The following CA10 variants were observed in gnomAD, a reference collection of about 807,000 sequenced individuals.
CA10 encodes the protein carbonic anhydrase 10 (inactive).
In CA10, 14 loss-of-function variants were observed where a neutral mutation model predicts 44.2. That is an observed-to-expected ratio of 0.32 (90% CI 0.21 to 0.50). The LOEUF is 0.50. CA10 is among the 20% of genes least tolerant of loss of function. The pLI, the probability that CA10 is intolerant of heterozygous loss-of-function variation, is 0.99. For missense variants in CA10, 350 were observed against 409.7 expected (o/e 0.85, Z 1.26); for synonymous variants, 159 against 141.6 (o/e 1.12, Z -0.87).
chr17:52,147,699 AC>A (rs1989618404), intron 1 of CA10, among the ~76,000 whole-genome samples: 1 of 152,134 alleles, frequency 6.6e-6, no homozygotes, highest in African/African-American at 2.4e-5. Context: ...AGTCACTGTA[AC>A]TTAAGAGCCA....
chr17:52,114,229 C>A (rs902860907), intron 1 of CA10, among the ~76,000 whole-genome samples: 3 of 152,198 alleles, frequency 2.0e-5, no homozygotes, highest in Non-Finnish European at 2.9e-5. Context: ...AGATATGCCA[C>A]CAAATTCAAA....
chr17:51,754,907 C>G (rs962126449), intron 3 of CA10, among the ~76,000 whole-genome samples: 1 of 151,742 alleles, frequency 6.6e-6, no homozygotes, highest in Non-Finnish European at 1.5e-5. Flanking sequence ...TACAAATATG[C>G]GTGTGTGTAT....
At chr17:52,078,583 A>G (rs1567725718) in intron 1 of CA10, among the ~76,000 whole-genome samples, 1 of 152,338 alleles carries the variant, frequency 6.6e-6, no homozygotes, top group East Asian at 1.9e-4. Context: ...GAGGTAATTC[A>G]AGGAGGAAGG....
chr17:51,671,334 T>C (rs926128125), intron 4 of CA10, among the ~76,000 whole-genome samples: 3 of 152,154 alleles, frequency 2.0e-5, no homozygotes, highest in Non-Finnish European at 4.4e-5. Flanking sequence ...AACATACACC[T>C]ACTGCTGAAG....
intron 1 of CA10, among the ~76,000 whole-genome samples, chr17:52,112,215 G>T (rs375166876): frequency 1.3e-5 from 2 of 151,876 alleles, no homozygotes; most frequent in African/African-American, 4.8e-5. Flanking sequence ...TCACAATTTG[G>T]TATGGGCAAT....
At chr17:51,685,481 C>T (rs1385322121) in intron 4 of CA10, among the ~76,000 whole-genome samples, 1 of 152,140 alleles carries the variant, frequency 6.6e-6, no homozygotes, top group African/African-American at 2.4e-5. Flanking sequence ...TAATGACCCA[C>T]GTAATGGCCC....
At chr17:51,653,197 G>A (rs563371758) in intron 5 of CA10, among the ~76,000 whole-genome samples, 14 of 152,286 alleles carry the variant, frequency 9.2e-5, no homozygotes, top group African/African-American at 3.4e-4. Context: ...GAAGCTGGAA[G>A]GAGCTATTTA....
chr17:52,150,509 G>T (rs895642526), intron 1 of CA10, among the ~76,000 whole-genome samples: 1 of 152,128 alleles, frequency 6.6e-6, no homozygotes, highest in African/African-American at 2.4e-5. Context: ...GAATGATTAA[G>T]TGGACAATGA....
intron 4 of CA10, among the ~76,000 whole-genome samples, chr17:51,742,255 G>A (rs1438906772): frequency 6.6e-6 from 1 of 152,140 alleles, no homozygotes; most frequent in African/African-American, 2.4e-5. Context: ...ACTTCCATAT[G>A]TATTGTCCAT....
At chr17:51,939,519 C>T (rs1982995277) in intron 2 of CA10, among the ~76,000 whole-genome samples, 1 of 152,058 alleles carries the variant, frequency 6.6e-6, no homozygotes, top group Non-Finnish European at 1.5e-5. Context: ...CTATGATGAA[C>T]ATTTACTCTC....
intron 1 of CA10, among the ~76,000 whole-genome samples, chr17:52,152,804 C>T (rs763207314): frequency 6.6e-6 from 1 of 152,132 alleles, no homozygotes; most frequent in Admixed American, 6.5e-5. Context: ...AAGAATCACT[C>T]TCTGAAGTTT....
chr17:51,723,802 C>T (rs1916431396), intron 4 of CA10, among the ~76,000 whole-genome samples: 1 of 152,160 alleles, frequency 6.6e-6, no homozygotes, highest in African/African-American at 2.4e-5. Flanking sequence ...CTGTTTTTCC[C>T]CTCTGCCCTC....
At chr17:51,756,302 CAG>C (rs1905076494) in intron 3 of CA10, among the ~76,000 whole-genome samples, 1 of 152,096 alleles carries the variant, frequency 6.6e-6, no homozygotes, top group Non-Finnish European at 1.5e-5. Context: ...TATGAGGAGA[CAG>C]AAGCTCAAAG....
At chr17:51,776,770 G>A (rs144877947) in intron 3 of CA10, among the ~76,000 whole-genome samples, 155 of 152,294 alleles carry the variant, frequency 1.0e-3, no homozygotes, top group African/African-American at 3.1e-3. Flanking sequence ...GTTTGCACTA[G>A]CCCCATTTCA....
intron 3 of CA10, among the ~76,000 whole-genome samples, chr17:51,810,709 G>C (rs76431452): frequency 1.3e-5 from 2 of 152,184 alleles, no homozygotes; most frequent in African/African-American, 4.8e-5. Flanking sequence ...AAATTCAGCA[G>C]TATGGAAAGA....
intron 2 of CA10, among the ~76,000 whole-genome samples, chr17:51,965,821 A>G (rs1984058926): frequency 6.6e-6 from 1 of 151,916 alleles, no homozygotes; most frequent in Non-Finnish European, 1.5e-5. Flanking sequence ...AAGGATGCCC[A>G]TTCTCACCAC....
At chr17:52,123,616 C>G (rs569624202) in intron 1 of CA10, among the ~76,000 whole-genome samples, 1 of 152,090 alleles carries the variant, frequency 6.6e-6, no homozygotes, top group East Asian at 1.9e-4. Context: ...ACCAAGGGAC[C>G]CAAAGCCATT....
chr17:51,752,367 G>A (rs543174422), intron 3 of CA10, among the ~76,000 whole-genome samples: 49 of 152,006 alleles, frequency 3.2e-4, no homozygotes, highest in Admixed American at 8.5e-4. Flanking sequence ...AAACAGAATG[G>A]AGAAGTTGAA....
chr17:52,086,951 G>A (rs930542476), intron 1 of CA10, among the ~76,000 whole-genome samples: 2 of 152,086 alleles, frequency 1.3e-5, no homozygotes, highest in African/African-American at 2.4e-5. Context: ...CCCATATTTT[G>A]TCTTGTGTGT....
Sources: allele counts gnomAD v4.1 joint callset (sites outside exome capture counted in the v4.1 genomes callset), GRCh38; gene constraint gnomAD v4.1.1; transcripts MANE v1.5; gene names NCBI Gene and HGNC (gene_info 2026-07-23, HGNC 2026-07-21).